The following CDH20 variants were observed in gnomAD, a reference collection of about 807,000 sequenced individuals.
The protein encoded by CDH20 is cadherin 20, also known as cadherin-20.
CDH20 carries 29 observed loss-of-function variants against 74.2 expected under a neutral mutation model. The ratio of observed to expected loss-of-function variants is 0.39; its 90% CI spans 0.29 to 0.53. The LOEUF is 0.53. CDH20 is among the 20% of genes least tolerant of loss of function. The probability of loss-of-function intolerance (pLI) is 0.69; values close to 1 mark genes in which losing one functional copy is unlikely to be tolerated. For missense variants in CDH20, 988 were observed against 1,048.3 expected, an observed-to-expected ratio of 0.94 and a Z score of 0.79; for synonymous variants, 469 against 405.4, an observed-to-expected ratio of 1.16 and a Z score of -1.88.
chr18:61,377,211 G>A (rs1911266456), intron 1 of CDH20, among the ~76,000 whole-genome samples: 1 of 151,978 alleles, frequency 6.6e-6, no homozygotes, highest in African/African-American at 2.4e-5. Context: ...TGTTGTAGAG[G>A]TTGTACTTAG....
chr18:61,535,760 C>T (rs914842896), intron 7 of CDH20, among the ~76,000 whole-genome samples: 1 of 152,140 alleles, frequency 6.6e-6, no homozygotes, highest in Non-Finnish European at 1.5e-5. Context: ...GTGCATTGCT[C>T]GAACGCAAAG....
In CDH20 at chr18:61,417,578, T is replaced by TAA. The variant is rs545256689; in HGVS notation, c.-152-72798_-152-72797dup. 2.6e-4 allele frequency among the ~76,000 whole-genome samples: 16 copies of TAA among 62,364 alleles called. 3 individuals carry two copies. Among genetic ancestry groups the TAA allele is most frequent in the African/African-American group, 1.3e-3 (16 of 12,546 alleles). 40.9% of individuals were successfully genotyped at this position (62,364 alleles called of 152,430 possible). On this transcript the variant is annotated intron_variant, in intron 1 of 11. Transcript: ENST00000262717. ...TATGTTCTTACTCAGATGTGGGAGC[T>TAA]AAAAAAAAAAAAAAAAAAAAAAAAA...
At chr18:61,404,923 C>A (rs999854569) in intron 1 of CDH20, 1 of 698,420 alleles carries the variant, frequency 1.4e-6, no homozygotes, top group Non-Finnish European at 2.7e-6. Context: ...TCAATGATAG[C>A]CAGTGTGCAT....
At chr18:61,444,633 C>T (rs1218201549) in intron 1 of CDH20, among the ~76,000 whole-genome samples, 8 of 152,090 alleles carry the variant, frequency 5.3e-5, no homozygotes, top group African/African-American at 1.4e-4. Context: ...GGAGGGCTGC[C>T]GGAGAGGTGC....
intron 1 of CDH20, among the ~76,000 whole-genome samples, chr18:61,466,610 C>T (rs1285060284): frequency 6.6e-6 from 1 of 152,114 alleles, no homozygotes; most frequent in Admixed American, 6.5e-5. Flanking sequence ...AATGGTTTTT[C>T]CTTGGATCCA....
chr18:61,354,064 AAAG>A (rs1433201631), intron 1 of CDH20, among the ~76,000 whole-genome samples: 3 of 151,896 alleles, frequency 2.0e-5, no homozygotes, highest in African/African-American at 4.8e-5. Context: ...AGAAAAAGAA[AAAG>A]AAAAGAAAAA....
At chr18:61,450,387 TAA>T (rs67988465) in intron 1 of CDH20, among the ~76,000 whole-genome samples, 4,831 of 131,034 alleles carry the variant, frequency 0.037, 250 homozygotes, top group African/African-American at 0.12. Flanking sequence ...CAAACCCCTT[TAA>T]AAAAAAAAAA....
Position 61,503,153 on chromosome 18 carries a change from G to C in CDH20, c.829+33G>C, listed in dbSNP as rs115770666. ...CCTAACCCAAGAGAGCACAGACCTC[G>C]GGCCCAGAGGGACGCACCCGTTGCA... On this transcript the variant is annotated intron_variant, in intron 5 of 11. Transcript: ENST00000262717. 4 of 1,503,024 alleles carry C rather than the reference G, an allele frequency of 2.7e-6. No individual in the cohort carries two copies. In the African/African-American group the frequency reaches 5.6e-5, roughly 21 times the overall value. 93.1% of individuals were successfully genotyped at this position (1,503,024 alleles called of 1,614,324 possible). A position where few individuals can be genotyped will look rare whatever the true frequency, so the allele number is the denominator to read the frequency against.
intron 6 of CDH20, among the ~76,000 whole-genome samples, chr18:61,515,529 C>A (rs541985612): frequency 6.6e-6 from 1 of 151,956 alleles, no homozygotes; most frequent in African/African-American, 2.4e-5. Context: ...TCCTCCCCAC[C>A]AAATGTCCAA....
At chr18:61,431,336 A>G (rs1913247345) in intron 1 of CDH20, among the ~76,000 whole-genome samples, 1 of 152,198 alleles carries the variant, frequency 6.6e-6, no homozygotes, top group Admixed American at 6.6e-5. Flanking sequence ...TGTAGCCTGG[A>G]TGAGATCCTG....
chr18:61,503,213 A>T, intron 5 of CDH20, 93 bp downstream of exon 5: 1 of 845,934 alleles, frequency 1.2e-6, no homozygotes, highest in Non-Finnish European at 1.8e-6. Flanking sequence ...GAGTTTCCTC[A>T]TTAAATTCAA....
At chr18:61,345,697 C>T (rs1364983465) in intron 1 of CDH20, among the ~76,000 whole-genome samples, 1 of 152,126 alleles carries the variant, frequency 6.6e-6, no homozygotes, top group East Asian at 1.9e-4. Context: ...TCTCAGGATA[C>T]TTCATGATGG....
At chr18:61,516,084 C>T (rs1911993339) in intron 6 of CDH20, among the ~76,000 whole-genome samples, 1 of 152,170 alleles carries the variant, frequency 6.6e-6, no homozygotes, top group African/African-American at 2.4e-5. Context: ...GATCCCTTTG[C>T]CTCCCTTTGA....
At chr18:61,361,474 A>G (rs1910692850) in intron 1 of CDH20, among the ~76,000 whole-genome samples, 6 of 152,232 alleles carry the variant, frequency 3.9e-5, no homozygotes. Flanking sequence ...TAAGTCAATC[A>G]GCCTTTTGAA....
At chr18:61,500,285 C>T (rs1238959483) in intron 3 of CDH20, 98 bp from the exon 4 acceptor site, 4 of 1,305,436 alleles carry the variant, frequency 3.1e-6, no homozygotes, top group Non-Finnish European at 1.0e-6. Flanking sequence ...CCCAATGAAG[C>T]AAACACATTT....
At chr18:61,421,022 G>A (rs771176150) in intron 1 of CDH20, among the ~76,000 whole-genome samples, 10 of 152,166 alleles carry the variant, frequency 6.6e-5, no homozygotes, top group Non-Finnish European at 1.2e-4. Flanking sequence ...CTGCACTCCA[G>A]TCTGGGTGAC....
At chr18:61,348,099 AT>A (rs869202948) in intron 1 of CDH20, among the ~76,000 whole-genome samples, 9 of 152,160 alleles carry the variant, frequency 5.9e-5, no homozygotes, top group Admixed American at 2.0e-4. Context: ...AATTGATTTC[AT>A]TTTTTTGGGG....
intron 1 of CDH20, among the ~76,000 whole-genome samples, chr18:61,388,066 G>C (rs144968747): frequency 8.7e-4 from 132 of 152,278 alleles, no homozygotes; most frequent in African/African-American, 3.0e-3. Context: ...GTAGTGTAAA[G>C]AGTGCTATAC....
At position 61,527,366 on chromosome 18, in the gene CDH20, A is replaced by ATAG. The variant is rs1555683341; in HGVS notation, c.1018-601_1018-600insTAG. Among the ~76,000 whole-genome samples, 1,245 of 142,142 alleles carry ATAG rather than the reference A, an allele frequency of 8.8e-3. 18 individuals are homozygous for ATAG. The highest frequency in any genetic ancestry group is 0.029 in the African/African-American group (1,110 of 38,894). The allele number at this position is 142,142 out of a possible 152,430, so 93.3% of individuals were successfully genotyped here. On this transcript the variant is annotated intron_variant, in intron 6 of 11. Coordinates refer to ENST00000262717, the MANE Select transcript of CDH20 (RefSeq NM_031891.4). ...TAGGCCTCAGTTGCATGAATATTCTAATAGATAGATAGATAGATAGATAGA... is the reference window on the plus strand; with the variant it reads ...TAGGCCTCAGTTGCATGAATATTCTATAGATAGATAGATAGATAGATAGATAGA...
Sources: allele counts gnomAD v4.1 joint callset (sites outside exome capture counted in the v4.1 genomes callset), GRCh38; gene constraint gnomAD v4.1.1; transcripts MANE v1.5; gene names NCBI Gene and HGNC (gene_info 2026-07-23, HGNC 2026-07-21).